DAB2IP: variants seen among roughly 807,000 people sequenced by gnomAD.
DAB2IP encodes DAB2 interacting protein.
A neutral mutation model predicts 107.2 loss-of-function variants in DAB2IP; 28 were observed. The ratio of observed to expected loss-of-function variants is 0.26; its 90% CI spans 0.19 to 0.36. DAB2IP has a LOEUF of 0.36. DAB2IP is among the 10% of genes least tolerant of loss of function. DAB2IP has a pLI of 1.00. For synonymous variants in DAB2IP, 755 were observed against 706.4 expected (o/e 1.07, Z -1.09); for missense variants, 1,400 against 1,644.7 (o/e 0.85, Z 2.57).
chr9:121,745,555 G>A (rs372599230), intron 3 of DAB2IP, among the ~76,000 whole-genome samples: 1 of 139,148 alleles, frequency 7.2e-6, no homozygotes, highest in African/African-American at 2.6e-5. Context: ...TAGGCCCATA[G>A]CCCCACATGC....
Position 121,651,911 on chromosome 9 carries a change from C to T in DAB2IP, c.124+12C>T, listed in dbSNP as rs986703532. 4 of 1,379,540 alleles carry T rather than the reference C, an allele frequency of 2.9e-6. No homozygotes were observed. Among genetic ancestry groups the T allele is most frequent in the Non-Finnish European group, 3.8e-6 (4 of 1,059,230 alleles). 85.5% of individuals were successfully genotyped at this position (1,379,540 alleles called of 1,614,324 possible). On this transcript the variant is annotated intron_variant, in intron 1 of 15. Transcript: ENST00000408936. The surrounding 1 kb of genome is among the most constrained non-coding windows in gnomAD (Gnocchi z 5.1). ...CCGGCCTGCCAGGGGTAGGCGCCAC[C>T]CCGACCCCTGACCCCTAGACCCTCC... is the stretch of plus-strand genomic sequence containing the variant.
rs148710088 is a variant in DAB2IP, at chr9:121,619,334, A to G, written c.40+52106A>G. Among the ~76,000 whole-genome samples, 754 of 152,182 alleles carry G rather than the reference A, an allele frequency of 5.0e-3. 8 individuals carry two copies. The highest frequency in any genetic ancestry group is 0.017 in the African/African-American group (697 of 41,514). On this transcript the variant is annotated intron_variant, in intron 1 of 16. Transcript: ENST00000259371. ...GCTAATTTTTGTAATTTTTGTGGAG[A>G]TGGGGTTTTACCATGTTGCCCAGGC...
At chr9:121,588,562 A>G (rs1356937657) in intron 1 of DAB2IP, among the ~76,000 whole-genome samples, 11 of 71,896 alleles carry the variant, frequency 1.5e-4, no homozygotes, top group Non-Finnish European at 2.3e-4. Context: ...TGAAGGGGGA[A>G]GGGGGAAGGG....
rs1048013711 is a variant in DAB2IP, at chr9:121,580,311, G to T, written c.40+13083G>T. ...GAAGAGCTTAGAACAGGCACTCAAGGCTACAGTGACATCCCAGGGTGGAGA... is the reference window on the plus strand; with the variant it reads ...GAAGAGCTTAGAACAGGCACTCAAGTCTACAGTGACATCCCAGGGTGGAGA... On this transcript the variant is annotated intron_variant, in intron 1 of 16. Transcript: ENST00000259371. Among the ~76,000 whole-genome samples the T allele has an allele frequency of 3.3e-5, 5 of 152,334 alleles. No individual in the cohort carries two copies. The East Asian group carries it at 7.7e-4, about 24-fold the overall frequency.
chr9:121,619,577 C>A (rs139985400), intron 1 of DAB2IP, among the ~76,000 whole-genome samples: 32 of 152,274 alleles, frequency 2.1e-4, no homozygotes, highest in African/African-American at 7.5e-4. Context: ...AAATTTATCC[C>A]GGATTATATG....
chr9:121,753,122 TCCA>T (rs942861377), intron 3 of DAB2IP: 1 of 152,266 alleles, frequency 6.6e-6, no homozygotes, highest in Non-Finnish European at 1.5e-5. Context: ...GGACGCCAGC[TCCA>T]CCCTGGTGGG....
chr9:121,642,011 CTCTCTCTCTCTCTCTCTCTCTT>C (rs1368490920), intron 1 of DAB2IP, among the ~76,000 whole-genome samples: 1 of 25,696 alleles, frequency 3.9e-5, no homozygotes, highest in African/African-American at 1.6e-4. Flanking sequence ...CTCTCTCTCT[CTCTCTCTCTCTCTCTCTCTCTT>C]TCTTTCTTTC....
intron 3 of DAB2IP, among the ~76,000 whole-genome samples, chr9:121,711,624 T>C (rs1355548658): frequency 2.0e-5 from 3 of 152,228 alleles, no homozygotes; most frequent in Non-Finnish European, 4.4e-5. Flanking sequence ...ACTCTGGAAG[T>C]GTTCCCTGCC....
At chr9:121,739,424 T>C (rs1832160631) in intron 3 of DAB2IP, among the ~76,000 whole-genome samples, 1 of 152,158 alleles carries the variant, frequency 6.6e-6, no homozygotes, top group Admixed American at 6.5e-5. Context: ...AATTGAAGGC[T>C]TTTAAGGTGA....
chr9:121,692,793 C>G (rs1203188661), intron 2 of DAB2IP, among the ~76,000 whole-genome samples: 1 of 152,038 alleles, frequency 6.6e-6, no homozygotes, highest in African/African-American at 2.4e-5. Context: ...AGCTGGGACT[C>G]TCTTTGATGG....
At chr9:121,623,901 G>A (rs779146099) in intron 1 of DAB2IP, among the ~76,000 whole-genome samples, 10 of 152,090 alleles carry the variant, frequency 6.6e-5, no homozygotes, top group African/African-American at 1.2e-4. Context: ...TTGACCAGGC[G>A]GGTTAAGGTT....
exon 16 of DAB2IP, chr9:121,783,516 G>A: frequency 1.2e-6 from 2 of 1,614,144 alleles, no homozygotes; most frequent in Non-Finnish European, 1.7e-6. Flanking sequence ...GGATAACTGT[G>A]ATTTTTTTTC....
chr9:121,772,842 A>G lies in DAB2IP; in HGVS notation c.2314A>G (p.Thr772Ala), dbSNP rs1280594478. The stretch of plus-strand genomic sequence containing the variant: ...CCCGGCGGGCCCCGACGTCCTCCCC[A>G]CAGATGGGCAGGCCGCTGCAGCTCA... Residue 772 changes from threonine (T) to alanine (A), a missense_variant, in exon 12 of 16, where the codon ACA becomes GCA. Coordinates refer to ENST00000408936, the Ensembl canonical transcript of DAB2IP. The surrounding 1 kb of genome is among the most constrained non-coding windows in gnomAD (Gnocchi z 4.7). The G allele has an allele frequency of 6.2e-7, 1 of 1,601,446 alleles. No homozygotes were observed. Among genetic ancestry groups the G allele is most frequent in the Admixed American group, 1.7e-5 (1 of 59,048 alleles).
intron 3 of DAB2IP, among the ~76,000 whole-genome samples, chr9:121,711,845 G>A (rs965029424): frequency 1.3e-5 from 2 of 152,182 alleles, no homozygotes; most frequent in African/African-American, 4.8e-5. Flanking sequence ...TAGGCCTAGG[G>A]TGTAGGGGTT....
intron 13 of DAB2IP, among the ~76,000 whole-genome samples, chr9:121,775,910 C>T (rs1354137546): frequency 2.0e-5 from 3 of 152,204 alleles, no homozygotes; most frequent in Non-Finnish European, 4.4e-5. Flanking sequence ...GCCCTAGTTA[C>T]ACCCTCAGTC....
At chr9:121,768,365 G>T in intron 9 of DAB2IP, 67 bp from the exon 10 acceptor site, 1 of 1,548,318 alleles carries the variant, frequency 6.5e-7, no homozygotes. Flanking sequence ...TGGTGTCCCA[G>T]TGGAGGGAGT....
intron 1 of DAB2IP, among the ~76,000 whole-genome samples, chr9:121,568,486 G>A (rs1257929177): frequency 6.6e-6 from 1 of 152,196 alleles, no homozygotes; most frequent in Non-Finnish European, 1.5e-5. Context: ...GGAAGGAGGA[G>A]GAGAATACAA....
chr9:121,732,719 T>C (rs1390373473), intron 3 of DAB2IP, among the ~76,000 whole-genome samples: 1 of 152,172 alleles, frequency 6.6e-6, no homozygotes, highest in Non-Finnish European at 1.5e-5. Flanking sequence ...GCCAGATTGT[T>C]GAGGGTCCTA....
In DAB2IP at chr9:121,753,869, G is replaced by A. The variant is rs573228989; in HGVS notation, c.363-3144G>A. On this transcript the variant is annotated intron_variant, in intron 3 of 15. Coordinates refer to ENST00000408936, the Ensembl canonical transcript of DAB2IP. Reference sequence around the variant, plus strand: ...CTGAGCCTATCCCTGCCCCTTTGGAGCCTGGGCAGTCTTTGGTACCCATCT... The same window carrying A: ...CTGAGCCTATCCCTGCCCCTTTGGAACCTGGGCAGTCTTTGGTACCCATCT... 1.4e-3 allele frequency among the ~76,000 whole-genome samples: 216 copies of A among 152,320 alleles called. 1 individual carries two copies. Among genetic ancestry groups the A allele is most frequent in the Non-Finnish European group, 2.2e-3 (150 of 68,012 alleles).
Sources: gnomAD v4.1 joint callset for allele counts (sites outside exome capture counted in the v4.1 genomes callset) on GRCh38, gnomAD v4.1.1 for gene constraint, Gnocchi (gnomAD v3.1) non-coding constraint, MANE v1.5 for transcripts, NCBI Gene and HGNC (gene_info 2026-07-23, HGNC 2026-07-21) for gene names.